Variants in QSER1 observed in about 807,000 individuals in gnomAD.
QSER1 encodes the protein glutamine and serine-rich protein 1.
QSER1 carries 49 observed loss-of-function variants against 158.5 expected under a neutral mutation model. That is an observed-to-expected ratio of 0.31 (90% confidence interval 0.25 to 0.39). QSER1 has a LOEUF of 0.39. Among genes scored for constraint, QSER1 ranks in the 10% least tolerant of loss-of-function variants. QSER1 has a pLI of 1.00. For missense variants in QSER1, 1,754 were observed against 2,010.3 expected (o/e 0.87, Z 2.44); for synonymous variants, 650 against 715.5 (o/e 0.91, Z 1.46).
At chr11:32,957,738 G>C (rs1463927668) in intron 7 of QSER1, 131 bp from the exon 8 acceptor site, 1 of 748,072 alleles carries the variant, frequency 1.3e-6, no homozygotes, top group Non-Finnish European at 2.2e-6. Flanking sequence ...ATAGGACTTG[G>C]ACTGTATATT....
chr11:32,969,188 T>C (rs751085165), intron 10 of QSER1, 45 bp downstream of exon 10: 2 of 1,062,356 alleles, frequency 1.9e-6, no homozygotes, highest in South Asian at 2.8e-5. Flanking sequence ...ATGGCAGTCA[T>C]AGTCTTAAGT....
At chr11:32,951,721 G>A (rs889714781) in intron 4 of QSER1, among the ~76,000 whole-genome samples, 1 of 151,706 alleles carries the variant, frequency 6.6e-6, no homozygotes, top group Non-Finnish European at 1.5e-5. Context: ...TTTATTTTTT[G>A]GGTTGTTCAC....
chr11:32,934,419 A>G lies in QSER1; in HGVS notation c.3161A>G (p.Gln1054Arg). 1.2e-6 allele frequency: 2 copies of G among 1,613,854 alleles called. No individual in the cohort carries two copies. Among genetic ancestry groups the G allele is most frequent in the Non-Finnish European group, 1.7e-6 (2 of 1,179,982 alleles). The change falls in exon 4 of 13, where the codon CAG becomes CGG. Residue 1054 changes from glutamine to arginine, a missense_variant. Around this residue, in one of 2 missense-constraint regions of QSER1, gnomAD observed 1,707 missense variants for 1,919.6 expected, o/e 0.89. Coordinates refer to ENST00000650167, the MANE Select transcript of QSER1 (RefSeq NM_001076786.3). ...AATGATACTTCCTTAAATGGAAATC[A>G]GGTTACTGTGAACCTTTCACCAGTA... ...NINDTSLNGN[Q>R]VTVNLSPVPA...
chr11:32,951,316 A>C (rs902229462), intron 4 of QSER1, among the ~76,000 whole-genome samples: 4 of 152,196 alleles, frequency 2.6e-5, no homozygotes, highest in Admixed American at 6.6e-5. Context: ...TCAGTATCAC[A>C]GTCTGTATTT....
At chr11:32,909,922 A>G (rs759535284) in intron 1 of QSER1, among the ~76,000 whole-genome samples, 14 of 152,170 alleles carry the variant, frequency 9.2e-5, no homozygotes, top group African/African-American at 2.9e-4. Flanking sequence ...GCAGGTAGCT[A>G]TGTTTAAAAA....
intron 8 of QSER1, 117 bp from the exon 9 acceptor site, chr11:32,966,183 G>C: frequency 1.8e-6 from 2 of 1,134,900 alleles, no homozygotes; most frequent in Non-Finnish European, 2.5e-6. Context: ...AGGTGAGAAA[G>C]TCTTGAATTT....
chr11:32,954,236 G>A, intron 5 of QSER1, 57 bp downstream of exon 5: 1 of 1,549,540 alleles, frequency 6.5e-7, no homozygotes. Context: ...GCCTGCGATA[G>A]CCTTCATTAT....
rs536093499 is a variant in QSER1, at chr11:32,941,334, T to G, written c.4177+5899T>G. Among the ~76,000 whole-genome samples, 20 of 150,712 alleles carry G rather than the reference T, an allele frequency of 1.3e-4. No homozygotes were observed. The East Asian group carries it at 3.5e-3, about 27-fold the overall frequency. ...TGCCATGCTGGTGTGCTGCACCCACTAACTCGTCATTTAGCATTAGGTATA... is the reference window on the plus strand; with the variant it reads ...TGCCATGCTGGTGTGCTGCACCCACGAACTCGTCATTTAGCATTAGGTATA... On this transcript the variant is annotated intron_variant, in intron 4 of 12. Transcript: ENST00000650167.
intron 1 of QSER1, among the ~76,000 whole-genome samples, chr11:32,924,989 C>T (rs1160092705): frequency 6.6e-6 from 1 of 152,146 alleles, no homozygotes; most frequent in Non-Finnish European, 1.5e-5. Flanking sequence ...ATTTGGTTTT[C>T]TGTGCCTGCA....
intron 1 of QSER1, among the ~76,000 whole-genome samples, chr11:32,913,259 C>T (rs1263170706): frequency 7.4e-6 from 1 of 135,858 alleles, no homozygotes; most frequent in Non-Finnish European, 1.5e-5. Flanking sequence ...GGCGCGATCT[C>T]GGCTCACTGC....
intron 8 of QSER1, among the ~76,000 whole-genome samples, chr11:32,965,988 A>ACACACACAC (rs1852739131): frequency 2.7e-3 from 92 of 33,856 alleles, no homozygotes; most frequent in African/African-American, 4.9e-3. Context: ...CACACACACG[A>ACACACACAC]ATCACCTAGG....
chr11:32,902,524 A>C (rs889690104), intron 1 of QSER1, among the ~76,000 whole-genome samples: 6 of 152,200 alleles, frequency 3.9e-5, no homozygotes, highest in African/African-American at 1.2e-4. Flanking sequence ...ATCTCTTCGC[A>C]AAGAACTTCC....
At chr11:32,907,283 T>C (rs1851706740) in intron 1 of QSER1, among the ~76,000 whole-genome samples, 1 of 152,234 alleles carries the variant, frequency 6.6e-6, no homozygotes, top group Admixed American at 6.5e-5. Context: ...GAACATATTC[T>C]TTTCTACCCT....
intron 1 of QSER1, among the ~76,000 whole-genome samples, chr11:32,905,926 C>T (rs900877074): frequency 4.6e-5 from 7 of 151,990 alleles, no homozygotes; most frequent in Non-Finnish European, 1.0e-4. Flanking sequence ...TGTGTTATGA[C>T]ATTTGATTAA....
rs1419022972 is a variant in QSER1, at chr11:32,979,421, C to T, written c.*2947C>T. On this transcript the variant is annotated 3_prime_UTR_variant, in exon 13 of 13. Coordinates refer to ENST00000650167, the MANE Select transcript of QSER1 (RefSeq NM_001076786.3). ...TTCAGATGAGTGGCTGCTGAAGGGG[C>T]CCCCTTGTCATTTTCATTATAACCC... The T allele has an allele frequency of 2.0e-5, 3 of 152,206 alleles. No homozygotes were observed. Among genetic ancestry groups the T allele is most frequent in the South Asian group, 4.2e-4 (2 of 4,818 alleles). 9.4% of individuals were successfully genotyped at this position (152,206 alleles called of 1,614,324 possible). A position where few individuals can be genotyped will look rare whatever the true frequency, so the allele number is the denominator to read the frequency against.
chr11:32,919,164 G>T (rs1446775568), intron 1 of QSER1, among the ~76,000 whole-genome samples: 1 of 152,034 alleles, frequency 6.6e-6, no homozygotes, highest in East Asian at 1.9e-4. Flanking sequence ...TTGCGGTTTT[G>T]TTTTTTAGAG....
chr11:32,953,832 T>C, intron 4 of QSER1, 25 bp from the exon 5 acceptor site: 1 of 1,580,792 alleles, frequency 6.3e-7, no homozygotes, highest in Non-Finnish European at 8.6e-7. Context: ...TAATACTGAT[T>C]TGCATTTGCT....
chr11:32,924,957 CTT>C (rs1488974517), intron 1 of QSER1, among the ~76,000 whole-genome samples: 4 of 152,132 alleles, frequency 2.6e-5, no homozygotes, highest in Non-Finnish European at 5.9e-5. Flanking sequence ...TTAGCTCCCA[CTT>C]ATTAATGAGA....
intron 1 of QSER1, among the ~76,000 whole-genome samples, chr11:32,905,013 A>G (rs1301838858): frequency 6.6e-6 from 1 of 152,186 alleles, no homozygotes; most frequent in Non-Finnish European, 1.5e-5. Context: ...AATAAAGAAT[A>G]TGTTTAATGG....
Sources: gnomAD v4.1 joint callset for allele counts (sites outside exome capture counted in the v4.1 genomes callset) on GRCh38, gnomAD v4.1.1 for gene constraint, gnomAD v4.1.1 regional missense constraint, MANE v1.5 for transcripts, NCBI Gene and HGNC (gene_info 2026-07-23, HGNC 2026-07-21) for gene names.